USH2A: variants seen among roughly 807,000 people sequenced by gnomAD.
The protein encoded by USH2A is Usher syndrome 2A (autosomal recessive, mild).
In USH2A, 443 loss-of-function variants were observed where a neutral mutation model predicts 538.9. The ratio of observed to expected loss-of-function variants is 0.82; its 90% CI spans 0.76 to 0.89. USH2A has a LOEUF of 0.89. USH2A is among the 40% of genes least tolerant of loss of function. The pLI, the probability that USH2A is intolerant of heterozygous loss-of-function variation, is 0.00. For synonymous variants in USH2A, 2,413 were observed against 2,273.5 expected (o/e 1.06, Z -1.75); for missense variants, 6,633 against 6,324.8 (o/e 1.05, Z -1.65).
chr1:215,917,528 A>G (rs1665985174), intron 38 of USH2A, among the ~76,000 whole-genome samples: 1 of 152,060 alleles, frequency 6.6e-6, no homozygotes, highest in South Asian at 2.1e-4. Context: ...GAAATTAAAA[A>G]TTGATATGCT....
Position 215,675,076 on chromosome 1 carries a change from G to A in USH2A, c.12835C>T (p.Gln4279Ter). The A allele has an allele frequency of 6.2e-7, 1 of 1,614,110 alleles. No homozygotes were observed. The highest frequency in any genetic ancestry group is 8.5e-7 in the Non-Finnish European group (1 of 1,180,022). Residue 4279 changes from glutamine to a stop codon, truncating the protein, a stop_gained, in exon 63 of 72, where the codon CAA becomes TAA. Coordinates refer to ENST00000307340, the MANE Select transcript of USH2A (RefSeq NM_206933.4). LOFTEE classifies it high-confidence loss of function. ...GGGATCCAGGAAATCAGCAGTTTTT[G>A]GGGATTCATAGAAACATAGGATATC... Reference protein sequence around the residue: ...PVISYVSMNPQKLLISWIPPE... With the variant: ...PVISYVSMNP
chr1:215,929,710 G>A (rs1050106390), intron 38 of USH2A, among the ~76,000 whole-genome samples: 1 of 151,966 alleles, frequency 6.6e-6, no homozygotes, highest in Non-Finnish European at 1.5e-5. Flanking sequence ...AGTCAGGTGG[G>A]AATTACCATC....
intron 21 of USH2A, among the ~76,000 whole-genome samples, chr1:216,163,022 T>C (rs1214691544): frequency 6.6e-6 from 1 of 152,052 alleles, no homozygotes; most frequent in Non-Finnish European, 1.5e-5. Flanking sequence ...CCAGATATAC[T>C]AATGTCTCTG....
At chr1:215,692,014 G>A (rs1658630077) in intron 61 of USH2A, among the ~76,000 whole-genome samples, 1 of 152,154 alleles carries the variant, frequency 6.6e-6, no homozygotes, top group Admixed American at 6.5e-5. Flanking sequence ...CTGAGACCAG[G>A]ACAATAAAGG....
chr1:215,701,254 G>T (rs1470925876), intron 61 of USH2A, among the ~76,000 whole-genome samples: 1 of 152,202 alleles, frequency 6.6e-6, no homozygotes, highest in Non-Finnish European at 1.5e-5. Context: ...TAAGTGTGAT[G>T]TGGTGCTGAG....
chr1:215,688,785 T>C (rs1658511991), intron 61 of USH2A, among the ~76,000 whole-genome samples: 1 of 152,024 alleles, frequency 6.6e-6, no homozygotes, highest in African/African-American at 2.4e-5. Context: ...ATTACCTTCC[T>C]AGAGGCCCTA....
At chr1:215,916,442 C>T (rs1665957728) in intron 38 of USH2A, among the ~76,000 whole-genome samples, 1 of 152,014 alleles carries the variant, frequency 6.6e-6, no homozygotes, top group African/African-American at 2.4e-5. Context: ...GGTGGTACAA[C>T]ATTTATCTTG....
chr1:216,277,689 G>A (rs1408653242), intron 11 of USH2A, among the ~76,000 whole-genome samples: 1 of 152,124 alleles, frequency 6.6e-6, no homozygotes. Context: ...TACCCAGCTA[G>A]AGACTACATG....
At chr1:216,114,147 G>A (rs1364247726) in intron 21 of USH2A, among the ~76,000 whole-genome samples, 1 of 151,510 alleles carries the variant, frequency 6.6e-6, no homozygotes, top group Non-Finnish European at 1.5e-5. Flanking sequence ...ATATTTAATT[G>A]ATATTAAGAA....
intron 14 of USH2A, among the ~76,000 whole-genome samples, chr1:216,219,783 A>G (rs992479962): frequency 3.3e-5 from 5 of 152,158 alleles, no homozygotes; most frequent in Non-Finnish European, 4.4e-5. Flanking sequence ...TCGCTTGCTA[A>G]ATGGATTTCA....
chr1:216,158,376 C>T (rs530354546), intron 21 of USH2A, among the ~76,000 whole-genome samples: 3 of 152,134 alleles, frequency 2.0e-5, no homozygotes, highest in East Asian at 3.9e-4. Context: ...ACTGGGACTA[C>T]AGGTGCCTCA....
intron 3 of USH2A, among the ~76,000 whole-genome samples, chr1:216,382,210 C>T (rs2038933694): frequency 6.6e-6 from 1 of 152,116 alleles, no homozygotes; most frequent in Admixed American, 6.5e-5. Flanking sequence ...AAATAAAGCA[C>T]ATTGAGTAAA....
chr1:215,786,644 T>G (rs953923966), intron 52 of USH2A, 26 bp downstream of exon 52: 1 of 1,613,366 alleles, frequency 6.2e-7, no homozygotes, highest in African/African-American at 1.3e-5. Context: ...CATTAAGCCA[T>G]GGGCAGACAG....
chr1:216,377,098 G>T (rs1271692847), intron 3 of USH2A, among the ~76,000 whole-genome samples: 4 of 152,028 alleles, frequency 2.6e-5, no homozygotes, highest in African/African-American at 9.7e-5. Flanking sequence ...TTAAAAATAT[G>T]CCTCAAAAAC....
Position 216,325,352 on chromosome 1 carries a change from T to G in USH2A, c.1096A>C (p.Asn366His). The change falls in exon 6 of 72, where the codon AAT becomes CAT. Residue 366 changes from asparagine to histidine, a missense_variant. Asn to His is a moderately conservative substitution (Grantham distance 68). Coordinates refer to ENST00000307340, the MANE Select transcript of USH2A (RefSeq NM_206933.4). ...TCAACTGAAATAGTCACTCCTTGAT[T>G]AAGCTGTGTAATGTTTGTAAACACA... ...SNVFTNITQL[N>H]QGVTISVDLE... 6.2e-7 allele frequency: 1 copy of G among 1,613,886 alleles called. No individual in the cohort carries two copies. Among genetic ancestry groups the G allele is most frequent in the Non-Finnish European group, 8.5e-7 (1 of 1,179,862 alleles).
chr1:215,914,159 C>T (rs547537042), intron 38 of USH2A, among the ~76,000 whole-genome samples: 202 of 150,214 alleles, frequency 1.3e-3, no homozygotes, highest in Admixed American at 2.8e-3. Flanking sequence ...CTGCAACCTC[C>T]GCCTCCTAGG....
chr1:216,256,166 T>C (rs771386449), intron 11 of USH2A, among the ~76,000 whole-genome samples: 1 of 152,042 alleles, frequency 6.6e-6, no homozygotes, highest in Non-Finnish European at 1.5e-5. Flanking sequence ...ATAGTTAAGT[T>C]GTACTTTTTC....
Position 216,069,350 on chromosome 1 carries a change from T to C in USH2A, c.6049+751A>G, listed in dbSNP as rs901394755. 4.1e-4 allele frequency among the ~76,000 whole-genome samples: 62 copies of C among 152,354 alleles called. 1 individual carries two copies. The highest frequency in any genetic ancestry group is 1.5e-3 in the African/African-American group (62 of 41,598). ...TTGAGGGAATTGACCAACAGGTTTG[T>C]TGGGAAAATATTTAAGGCTTTTCTA... On this transcript the variant is annotated intron_variant, in intron 30 of 71. Coordinates refer to ENST00000307340, the MANE Select transcript of USH2A (RefSeq NM_206933.4).
At chr1:216,310,892 C>A (rs1388260811) in intron 9 of USH2A, among the ~76,000 whole-genome samples, 1 of 152,154 alleles carries the variant, frequency 6.6e-6, no homozygotes, top group Non-Finnish European at 1.5e-5. Flanking sequence ...TGCTGTTTTT[C>A]TTGTGGACAT....
Sources: gnomAD v4.1 joint callset for allele counts (sites outside exome capture counted in the v4.1 genomes callset) on GRCh38, gnomAD v4.1.1 for gene constraint, MANE v1.5 for transcripts, NCBI Gene and HGNC (gene_info 2026-07-23, HGNC 2026-07-21) for gene names.